Variants in ZBTB41 observed in about 807,000 individuals in gnomAD.
ZBTB41 encodes zinc finger and BTB domain-containing protein 41.
In ZBTB41, 42 loss-of-function variants were observed where a neutral mutation model predicts 87.6. The ratio of observed to expected loss-of-function variants is 0.48; its 90% CI spans 0.37 to 0.62. The LOEUF is 0.62. ZBTB41 is among the 20% of genes least tolerant of loss of function. The pLI is 0.00. For missense variants in ZBTB41, 799 were observed against 1,078.9 expected, an observed-to-expected ratio of 0.74 and a Z score of 3.63; for synonymous variants, 364 against 364.0, an observed-to-expected ratio of 1.00 and a Z score of 0.00.
intron 6 of ZBTB41, among the ~76,000 whole-genome samples, chr1:197,179,388 T>C (rs1421436904): frequency 6.6e-6 from 1 of 152,122 alleles, no homozygotes; most frequent in East Asian, 1.9e-4. Flanking sequence ...ACATACTACA[T>C]TGCCAACTGT....
chr1:197,178,580 C>T, intron 6 of ZBTB41, 68 bp from the exon 7 acceptor site: 1 of 1,143,672 alleles, frequency 8.7e-7, no homozygotes, highest in Non-Finnish European at 1.2e-6. Flanking sequence ...TTCTGGAAAA[C>T]TTACTAGAAA....
Position 197,164,774 on chromosome 1 carries a change from A to AATATATTAT in ZBTB41, c.2075-4769_2075-4761dup, listed in dbSNP as rs1553229958. The stretch of plus-strand genomic sequence containing the variant: ...TATATATTATATATAATACATATCT[A>AATATATTAT]ATATATTATATATAATACATATATA... On this transcript the variant is annotated intron_variant, in intron 10 of 10. Transcript: ENST00000367405. 1.2e-3 allele frequency among the ~76,000 whole-genome samples: 45 copies of AATATATTAT among 37,072 alleles called. 10 individuals are homozygous for AATATATTAT. The highest frequency in any genetic ancestry group is 3.6e-3 in the African/African-American group (37 of 10,222). The allele number at this position is 37,072 out of a possible 152,430, so 24.3% of individuals were successfully genotyped here.
chr1:197,176,646 A>C lies in ZBTB41; in HGVS notation c.1797T>G (p.Asp599Glu). 1 of 1,611,504 alleles carries C rather than the reference A, an allele frequency of 6.2e-7. No homozygotes were observed. The highest frequency in any genetic ancestry group is 8.5e-7 in the Non-Finnish European group (1 of 1,178,610). The change falls in exon 8 of 11, where the codon GAT (aspartate) becomes GAG (glutamate). Residue 599 changes from aspartate to glutamate, a missense_variant. Transcript: ENST00000367405. Reference protein sequence around the residue: ...SYRLHLRVHHDDKRYECDECG... With the variant: ...SYRLHLRVHHEDKRYECDECG... The stretch of plus-strand genomic sequence containing the variant: ...ATTCATCGCACTCATATCTTTTATC[A>C]TCATGATGTACTCGTAAGTGAAGTC...
chr1:197,170,043 C>G (rs1171209191), intron 10 of ZBTB41, among the ~76,000 whole-genome samples: 1 of 151,676 alleles, frequency 6.6e-6, no homozygotes, highest in East Asian at 1.9e-4. Context: ...CTTCAAAAGC[C>G]CTACGATATG....
chr1:197,187,071 G>A (rs1022106627), intron 5 of ZBTB41, among the ~76,000 whole-genome samples: 5 of 152,094 alleles, frequency 3.3e-5, no homozygotes, highest in Non-Finnish European at 5.9e-5. Context: ...CCAAATGCTG[G>A]CAAGAACATG....
At chr1:197,167,204 G>C (rs916781900) in intron 10 of ZBTB41, among the ~76,000 whole-genome samples, 3 of 152,080 alleles carry the variant, frequency 2.0e-5, no homozygotes, top group Admixed American at 1.3e-4. Flanking sequence ...TTGAATGTTT[G>C]TTTATTTTTG....
rs1347537311 is a variant in ZBTB41 at position 197,157,721 on chromosome 1, T to C, written c.*1638A>G. 6.6e-6 allele frequency: 1 copy of C among 152,336 alleles called. No individual in the cohort carries two copies. The highest frequency in any genetic ancestry group is 1.5e-5 in the Non-Finnish European group (1 of 67,792). 9.4% of individuals were successfully genotyped at this position (152,336 alleles called of 1,614,324 possible). A position where few individuals can be genotyped will look rare whatever the true frequency, so the allele number is the denominator to read the frequency against. On this transcript the variant is annotated 3_prime_UTR_variant, in exon 11 of 11. Coordinates refer to ENST00000367405, the MANE Select transcript of ZBTB41 (RefSeq NM_194314.3). ...GCTACTTTGGTTAACTGCCTCAGTT[T>C]TCAATATTTCTTTTGTTTTACCTCC...
At position 197,175,127 on chromosome 1, in the gene ZBTB41, G is replaced by T. The variant is rs756644880; in HGVS notation, c.1880-12C>A. 5.6e-6 allele frequency: 9 copies of T among 1,602,306 alleles called. No individual in the cohort carries two copies. The highest frequency in any genetic ancestry group is 1.7e-5 in the Admixed American group (1 of 59,040). On this transcript the variant is annotated splice_polypyrimidine_tract_variant and intron_variant, in intron 8 of 10. Coordinates refer to ENST00000367405, the MANE Select transcript of ZBTB41 (RefSeq NM_194314.3). ...ATGAGCTTTTTCACCTTAAAATAAA[G>T]ACCCAAATATTTTCATTATAATATA...
chr1:197,196,947 T>A (rs528800120), intron 2 of ZBTB41, among the ~76,000 whole-genome samples: 1 of 52,188 alleles, frequency 1.9e-5, no homozygotes, highest in Admixed American at 2.9e-4. Context: ...CCTGATAAAA[T>A]TATCTTTATT....
At chr1:197,184,255 C>T (rs1659828406) in intron 5 of ZBTB41, among the ~76,000 whole-genome samples, 1 of 152,148 alleles carries the variant, frequency 6.6e-6, no homozygotes, top group Non-Finnish European at 1.5e-5. Context: ...AAACTGAATA[C>T]TATGAAAGAA....
At chr1:197,193,208 T>G (rs889085020) in intron 2 of ZBTB41, among the ~76,000 whole-genome samples, 3 of 152,004 alleles carry the variant, frequency 2.0e-5, no homozygotes, top group African/African-American at 7.2e-5. Flanking sequence ...TTGTGACAAG[T>G]AAATACGTTA....
intron 5 of ZBTB41, among the ~76,000 whole-genome samples, chr1:197,183,114 C>T (rs573348544): frequency 3.9e-5 from 6 of 152,026 alleles, no homozygotes; most frequent in Non-Finnish European, 8.8e-5. Flanking sequence ...ATACTTATAA[C>T]AATACTCTAT....
chr1:197,178,405 G>C lies in ZBTB41; in HGVS notation c.1772+12C>G. The C allele has an allele frequency of 5.1e-6, 8 of 1,559,918 alleles. No individual in the cohort carries two copies. The highest frequency in any genetic ancestry group is 7.0e-6 in the Non-Finnish European group (8 of 1,146,816). ...ATCTTACTTAATAAAGGGAAAAAATGGTTTTACTTACCTATACGAACTTCC... is the reference window on the plus strand; with the variant it reads ...ATCTTACTTAATAAAGGGAAAAAATCGTTTTACTTACCTATACGAACTTCC... On this transcript the variant is annotated intron_variant, in intron 7 of 10. Transcript: ENST00000367405.
intron 10 of ZBTB41, 26 bp from the exon 11 acceptor site, chr1:197,160,040 TAG>T: frequency 6.4e-7 from 1 of 1,573,136 alleles, no homozygotes. Context: ...AGAATATAAT[TAG>T]ATGTAAAATG....
rs146939360 is a variant in ZBTB41 at position 197,188,331 on chromosome 1, G to T, written c.1507C>A (p.Arg503=). The T allele has an allele frequency of 1.2e-3, 1,936 of 1,613,478 alleles. 3 individuals are homozygous for T. The highest frequency in any genetic ancestry group is 1.5e-3 in the Non-Finnish European group (1,810 of 1,179,824). ...CTYCEEHFKS[R]FARLKHQEKF... ...TCTTGATGCTTTAACCGAGCAAACCGTGATTTAAAATGTTCTTCACAATAG... is the reference window on the plus strand; with the variant it reads ...TCTTGATGCTTTAACCGAGCAAACCTTGATTTAAAATGTTCTTCACAATAG... The change falls in exon 5 of 11, where the codon CGG becomes AGG. Residue 503 remains arginine, a synonymous_variant. Transcript: ENST00000367405.
chr1:197,185,806 GA>G (rs1659868455), intron 5 of ZBTB41, among the ~76,000 whole-genome samples: 2 of 151,938 alleles, frequency 1.3e-5, no homozygotes, highest in Admixed American at 1.3e-4. Context: ...ATCTATATGA[GA>G]AAACTACAAA....
In ZBTB41 at chr1:197,200,367, T is replaced by C. The variant is rs113613674; in HGVS notation, c.107A>G (p.Tyr36Cys). 1.9e-6 allele frequency: 3 copies of C among 1,614,190 alleles called. No individual in the cohort carries two copies. Among genetic ancestry groups the C allele is most frequent in the African/African-American group, 1.3e-5 (1 of 75,058 alleles). ...NVAVECDQVTYTHSAGRPTPE... is the reference protein window; with the variant it reads ...NVAVECDQVTCTHSAGRPTPE... ...AGTTGGTCTTCCTGCAGAATGAGTATAGGTCACTTGGTCACACTCCACTGC... is the reference window on the plus strand; with the variant it reads ...AGTTGGTCTTCCTGCAGAATGAGTACAGGTCACTTGGTCACACTCCACTGC... Residue 36 changes from tyrosine (Y) to cysteine (C), a missense_variant, in exon 2 of 11, where the codon TAT becomes TGT. Around this residue, in one of 5 missense-constraint regions of ZBTB41, gnomAD observed 77 missense variants for 68.4 expected, o/e 1.13. Coordinates refer to ENST00000367405, the MANE Select transcript of ZBTB41 (RefSeq NM_194314.3).
At position 197,177,743 on chromosome 1, in the gene ZBTB41, T is replaced by A. The variant is rs376028485; in HGVS notation, c.1772+674A>T. Among the ~76,000 whole-genome samples the A allele has an allele frequency of 2.6e-5, 4 of 152,206 alleles. No homozygotes were observed. In the South Asian group the frequency reaches 8.3e-4, roughly 32 times the overall value. ...TATATATTCTAATGAAAGGAATAGC[T>A]TTCCCTTGCAAATTGCCAAAATAAG... is the stretch of plus-strand genomic sequence containing the variant. On this transcript the variant is annotated intron_variant, in intron 7 of 10. Transcript: ENST00000367405.
chr1:197,170,730 AT>A (rs1659459072), intron 10 of ZBTB41, among the ~76,000 whole-genome samples: 1 of 152,122 alleles, frequency 6.6e-6, no homozygotes, highest in Admixed American at 6.6e-5. Context: ...GAATACAGGC[AT>A]GCTTCATCTG....
Sources: allele counts gnomAD v4.1 joint callset (sites outside exome capture counted in the v4.1 genomes callset), GRCh38; gene constraint gnomAD v4.1.1; regional missense constraint gnomAD v4.1.1; transcripts MANE v1.5; gene names NCBI Gene and HGNC (gene_info 2026-07-23, HGNC 2026-07-21).